STAC: variants seen among roughly 807,000 people sequenced by gnomAD.
STAC encodes SH3 and cysteine-rich domain-containing protein.
Under a neutral mutation model 48.8 loss-of-function variants are expected in STAC, and 43 were observed. That is an observed-to-expected ratio of 0.88 (90% CI 0.69 to 1.14). The LOEUF (loss-of-function observed/expected upper bound fraction) is 1.14. Among genes scored for constraint, STAC ranks in the 50% most tolerant of loss-of-function variants. STAC has a pLI of 0.00. For missense variants in STAC, 497 were observed against 504.0 expected, an observed-to-expected ratio of 0.99 and a Z score of 0.13; for synonymous variants, 193 against 179.5, an observed-to-expected ratio of 1.07 and a Z score of -0.60.
intron 8 of STAC, among the ~76,000 whole-genome samples, chr3:36,514,235 T>TTTTTCC (rs71085129): frequency 8.9e-6 from 1 of 112,016 alleles, no homozygotes; most frequent in Non-Finnish European, 2.0e-5. Context: ...TTTTTTTTTT[T>TTTTTCC]CACAAAAGGA....
chr3:36,514,760 C>A (rs991176710), intron 8 of STAC, among the ~76,000 whole-genome samples: 2 of 152,104 alleles, frequency 1.3e-5, no homozygotes, highest in African/African-American at 4.8e-5. Context: ...GTAGGCCGGG[C>A]GCAGTGGCTC....
chr3:36,472,627 C>T (rs1421379875), intron 2 of STAC, among the ~76,000 whole-genome samples: 3 of 152,226 alleles, frequency 2.0e-5, no homozygotes, highest in African/African-American at 7.2e-5. Flanking sequence ...CTTTCTCAAG[C>T]TCAAAGTTCC....
intron 8 of STAC, among the ~76,000 whole-genome samples, chr3:36,519,686 T>C (rs1000772373): frequency 3.3e-5 from 5 of 152,230 alleles, no homozygotes; most frequent in Non-Finnish European, 7.3e-5. Flanking sequence ...GGTTAAAGGA[T>C]AATTTTTTAA....
chr3:36,544,613 T>A (rs892527188), intron 10 of STAC, among the ~76,000 whole-genome samples: 1 of 152,206 alleles, frequency 6.6e-6, no homozygotes, highest in African/African-American at 2.4e-5. Context: ...CATCTGGTAC[T>A]ATGTTGGGCA....
rs546403596 is a variant in STAC at position 36,501,584 on chromosome 3, G to A, written c.767-2809G>A. ...AGATAGATATCAACGATTAAAGCCT[G>A]ACTCAAGAATAAATAGAAATAGGAA... On this transcript the variant is annotated intron_variant, in intron 6 of 10. Coordinates refer to ENST00000273183, the MANE Select transcript of STAC (RefSeq NM_003149.3). Among the ~76,000 whole-genome samples the A allele has an allele frequency of 1.7e-3, 253 of 152,210 alleles. 3 individuals carry two copies. Among genetic ancestry groups the A allele is most frequent in the Middle Eastern group, 3.4e-3 (1 of 294 alleles).
chr3:36,544,581 G>T (rs1223851901), intron 10 of STAC, among the ~76,000 whole-genome samples: 1 of 152,068 alleles, frequency 6.6e-6, no homozygotes, highest in Non-Finnish European at 1.5e-5. Context: ...TATGTTTTGT[G>T]CTCCCTTTGT....
At chr3:36,430,230 C>A (rs995553783) in intron 1 of STAC, among the ~76,000 whole-genome samples, 3 of 152,186 alleles carry the variant, frequency 2.0e-5, no homozygotes, top group Non-Finnish European at 2.9e-5. Context: ...AAAGAATAGT[C>A]CTTGACCTCA....
chr3:36,451,562 C>T (rs1696681243), intron 2 of STAC, among the ~76,000 whole-genome samples: 1 of 152,146 alleles, frequency 6.6e-6, no homozygotes, highest in Non-Finnish European at 1.5e-5. Flanking sequence ...TCAATATTCA[C>T]CACCATTCTA....
At chr3:36,494,173 A>C (rs1371174783) in intron 6 of STAC, among the ~76,000 whole-genome samples, 1 of 150,332 alleles carries the variant, frequency 6.7e-6, no homozygotes, top group Admixed American at 6.6e-5. Flanking sequence ...AAAAAAAAAA[A>C]AGAAAGAGCC....
chr3:36,542,692 AT>A (rs1447300187), intron 10 of STAC, among the ~76,000 whole-genome samples: 2 of 152,162 alleles, frequency 1.3e-5, no homozygotes, highest in Non-Finnish European at 2.9e-5. Flanking sequence ...ATGCAAAAAA[AT>A]ATTATGTTTT....
chr3:36,427,292 A>C (rs764379340), intron 1 of STAC, among the ~76,000 whole-genome samples: 1 of 152,156 alleles, frequency 6.6e-6, no homozygotes, highest in Admixed American at 6.5e-5. Flanking sequence ...TCACATCCCA[A>C]TATGCATCAT....
chr3:36,402,526 T>C (rs1254947717), intron 1 of STAC, among the ~76,000 whole-genome samples: 1 of 152,054 alleles, frequency 6.6e-6, no homozygotes, highest in African/African-American at 2.4e-5. Flanking sequence ...ACTTGCTCAA[T>C]GCTAAAGGCT....
chr3:36,495,222 C>G (rs1456072), intron 6 of STAC, among the ~76,000 whole-genome samples: 138,366 of 152,262 alleles, frequency 0.91, 63,106 homozygotes, highest in African/African-American at 0.98. Flanking sequence ...CTTTGGATGA[C>G]ATAATGAATG....
intron 2 of STAC, 48 bp from the exon 3 acceptor site, chr3:36,482,944 G>A (rs1209469357): frequency 1.5e-6 from 2 of 1,350,180 alleles, no homozygotes; most frequent in African/African-American, 1.4e-5. Flanking sequence ...CTAATCAGCA[G>A]GAAATGGCAG....
At chr3:36,411,969 T>G (rs751346646) in intron 1 of STAC, among the ~76,000 whole-genome samples, 2 of 152,212 alleles carry the variant, frequency 1.3e-5, no homozygotes, top group African/African-American at 4.8e-5. Context: ...GAGTATAGCA[T>G]ATATGTGCTA....
intron 1 of STAC, among the ~76,000 whole-genome samples, chr3:36,382,137 C>T (rs572104319): frequency 9.2e-5 from 14 of 152,222 alleles, no homozygotes; most frequent in Non-Finnish European, 1.9e-4. Flanking sequence ...CATGCACTAC[C>T]TCTCCTCAGT....
intron 1 of STAC, among the ~76,000 whole-genome samples, chr3:36,433,256 T>TGGAAAACTG (rs1366859373): frequency 1.1e-4 from 17 of 152,068 alleles, no homozygotes; most frequent in South Asian, 4.2e-4. Flanking sequence ...TATGTATCAT[T>TGGAAAACTG]GGAAAACTGG....
intron 2 of STAC, among the ~76,000 whole-genome samples, chr3:36,472,012 C>T (rs1019919541): frequency 5.3e-5 from 8 of 152,248 alleles, no homozygotes; most frequent in African/African-American, 1.7e-4. Context: ...TTCTGCATTG[C>T]CCTGGCTGAG....
chr3:36,461,924 A>G (rs1423809541), intron 2 of STAC, among the ~76,000 whole-genome samples: 1 of 152,204 alleles, frequency 6.6e-6, no homozygotes, highest in Non-Finnish European at 1.5e-5. Flanking sequence ...GGTAATTAAC[A>G]GGACATGGAT....
Sources: allele counts gnomAD v4.1 joint callset (sites outside exome capture counted in the v4.1 genomes callset), GRCh38; gene constraint gnomAD v4.1.1; transcripts MANE v1.5; gene names NCBI Gene and HGNC (gene_info 2026-07-23, HGNC 2026-07-21).